ADAMTS10: variants seen among roughly 807,000 people sequenced by gnomAD.
ADAMTS10 encodes the protein A disintegrin and metalloproteinase with thrombospondin motifs 10.
ADAMTS10 carries 48 observed loss-of-function variants against 135.9 expected under a neutral mutation model. The observed-to-expected ratio is 0.35, with a 90% CI of 0.28 to 0.45. The LOEUF (loss-of-function observed/expected upper bound fraction) is 0.45, where lower values mean the gene tolerates loss of function less well. Among genes scored for constraint, ADAMTS10 ranks in the 20% least tolerant of loss-of-function variants. The pLI, the probability that ADAMTS10 is intolerant of heterozygous loss-of-function variation, is 1.00. For missense variants in ADAMTS10, 1,131 were observed against 1,565.2 expected (o/e 0.72, Z 4.68); for synonymous variants, 621 against 647.5 (o/e 0.96, Z 0.62).
chr19:8,600,808 C>T, intron 6 of ADAMTS10, 120 bp downstream of exon 6: 1 of 1,330,014 alleles, frequency 7.5e-7, no homozygotes, highest in Non-Finnish European at 1.1e-6. Flanking sequence ...TGCAACCTTC[C>T]TTTCTACCCC....
At position 8,585,213 on chromosome 19, in the gene ADAMTS10, G is replaced by C; in HGVS notation, c.2961C>G (p.Pro987=). 7.0e-7 allele frequency: 1 copy of C among 1,428,028 alleles called. No individual in the cohort carries two copies. The allele number at this position is 1,428,028 out of a possible 1,614,324, so 88.5% of individuals were successfully genotyped here. ...RATLPPAHCS[P]AAKPPATMRC... is the part of the protein sequence containing the mutation. ...GCATGGTGGCCGGTGGCTTGGCGGC[G>C]GGTGAGCAGTGCGCCGGGGGCAGCG... is the stretch of plus-strand genomic sequence containing the variant. The change falls in exon 24 of 26, where the codon CCC becomes CCG. Residue 987 remains proline (P), a synonymous_variant. Coordinates refer to ENST00000597188, the MANE Select transcript of ADAMTS10 (RefSeq NM_030957.4).
chr19:8,583,930 C>T (rs1435497803), intron 25 of ADAMTS10, among the ~76,000 whole-genome samples: 2 of 151,442 alleles, frequency 1.3e-5, no homozygotes, highest in African/African-American at 2.4e-5. Context: ...AGGCCAAGGC[C>T]GGCGGATCAC....
rs149789969 is a variant in ADAMTS10, at chr19:8,605,249, G to T, written c.198C>A (p.Arg66=). 1.5e-5 allele frequency: 25 copies of T among 1,613,042 alleles called. No individual in the cohort carries two copies. In the South Asian group the frequency reaches 1.6e-4, roughly 11 times the overall value. The change falls in exon 4 of 26, where the codon CGC becomes CGA. Residue 66 remains arginine, a synonymous_variant. Coordinates refer to ENST00000597188, the MANE Select transcript of ADAMTS10 (RefSeq NM_030957.4). This position sits in a 1 kb window ranked among gnomAD's most constrained non-coding sequence, Gnocchi z 7.7. ...FSPPPPRRQR[R]GTGATAESRL... ...GGGACTCGGCTGTGGCCCCCGTGCC[G>T]CGGCGCTGCCTCCGGGGAGGAGGTG...
At chr19:8,581,030 A>G in intron 25 of ADAMTS10, 28 bp from the exon 26 acceptor site, 1 of 1,563,832 alleles carries the variant, frequency 6.4e-7, no homozygotes, top group Non-Finnish European at 8.7e-7. Flanking sequence ...GGAAGGAAAA[A>G]TCAGGTCTCA....
intron 6 of ADAMTS10, among the ~76,000 whole-genome samples, chr19:8,600,538 G>A (rs144772247): frequency 0.012 from 1,614 of 130,582 alleles, 13 homozygotes; most frequent in Non-Finnish European, 0.016. Flanking sequence ...TTGCTCTGTC[G>A]CCCAGGCTGG....
At position 8,589,732 on chromosome 19, in the gene ADAMTS10, C is replaced by T. The variant is rs74902483; in HGVS notation, c.1901-147G>A. On this transcript the variant is annotated intron_variant, in intron 16 of 25. Transcript: ENST00000597188. ...GAGGGAGTGGGGGCTCCCAGCGTCA[C>T]GTTGAACCCCCATGGTACCGTATCC... The T allele has an allele frequency of 9.8e-4, 1,415 of 1,437,824 alleles. 8 individuals are homozygous for T. In the African/African-American group the frequency reaches 0.016, roughly 16 times the overall value. The allele number at this position is 1,437,824 out of a possible 1,614,324, so 89.1% of individuals were successfully genotyped here.
intron 6 of ADAMTS10, among the ~76,000 whole-genome samples, chr19:8,600,567 T>G (rs191391286): frequency 6.7e-6 from 1 of 150,304 alleles, no homozygotes; most frequent in African/African-American, 2.4e-5. Flanking sequence ...GGCGTGATCT[T>G]GGCTCACTGC....
chr19:8,600,447 CCT>C (rs1276338342), intron 6 of ADAMTS10, among the ~76,000 whole-genome samples: 4 of 149,826 alleles, frequency 2.7e-5, no homozygotes, highest in African/African-American at 7.3e-5. Context: ...TTCCTTCCTT[CCT>C]CTCTCTTTCT....
rs577890480 is a variant in ADAMTS10 at position 8,605,356 on chromosome 19, C to G, written c.91G>C (p.Glu31Gln). 6.3e-7 allele frequency: 1 copy of G among 1,596,964 alleles called. No homozygotes were observed. Among genetic ancestry groups the G allele is most frequent in the Non-Finnish European group, 8.5e-7 (1 of 1,171,888 alleles). ...TAGCTCTCCAGACTGGACAGGAACT[C>G]ATCTGTGGGTGAGGGTCAGAGGCCT... is the stretch of plus-strand genomic sequence containing the variant. ...EVTHAFRSQDEFLSSLESYEI... is the reference protein window; with the variant it reads ...EVTHAFRSQDQFLSSLESYEI... Residue 31 changes from glutamate (E) to glutamine (Q), a missense_variant and splice_region_variant, in exon 4 of 26, where the codon GAG becomes CAG. Physicochemically the swap from Glu to Gln is conservative, Grantham distance 29 (BLOSUM62 2). Transcript: ENST00000597188. The surrounding 1 kb of genome is among the most constrained non-coding windows in gnomAD (Gnocchi z 7.7).
chr19:8,589,740 C>T (rs2042496199), intron 16 of ADAMTS10, 149 bp downstream of exon 16: 6 of 1,414,476 alleles, frequency 4.2e-6, no homozygotes, highest in Admixed American at 2.0e-5. Context: ...CACGTTGAAC[C>T]CCCATGGTAC....
intron 1 of ADAMTS10, 121 bp from the exon 2 acceptor site, chr19:8,608,369 T>TA (rs1344266177): frequency 6.6e-6 from 1 of 152,346 alleles, no homozygotes; most frequent in Non-Finnish European, 1.5e-5. Context: ...AACTTCCTCT[T>TA]AGACTTCTTC....
intron 17 of ADAMTS10, 28 bp from the exon 18 acceptor site, chr19:8,589,393 A>AG: frequency 6.2e-7 from 1 of 1,601,668 alleles, no homozygotes; most frequent in Non-Finnish European, 8.5e-7. Flanking sequence ...GAGTGAGGCG[A>AG]CCCCCTAACC....
chr19:8,587,814 C>G (rs2042459292), intron 18 of ADAMTS10, among the ~76,000 whole-genome samples: 1 of 151,250 alleles, frequency 6.6e-6, no homozygotes, highest in Non-Finnish European at 1.5e-5. Flanking sequence ...TCCTGTAGTC[C>G]CAGCTACTTG....
chr19:8,598,386 G>A (rs1421887782), intron 6 of ADAMTS10, among the ~76,000 whole-genome samples: 3 of 151,710 alleles, frequency 2.0e-5, no homozygotes, highest in Non-Finnish European at 4.4e-5. Context: ...CTGTCTGAAG[G>A]TACCAATTTG....
Position 8,605,104 on chromosome 19 carries a change from G to C in ADAMTS10, c.343C>G (p.Gln115Glu), listed in dbSNP as rs1555742253. The C allele has an allele frequency of 6.8e-6, 11 of 1,613,058 alleles. No individual in the cohort carries two copies. The highest frequency in any genetic ancestry group is 9.3e-6 in the Non-Finnish European group (11 of 1,179,732). ...AGGCAGTGGGGCCGGGCCGCCCTCT[G>C]CCAGGCCAGGCCCTCCCGTGTCCAG... ...EYWTREGLAW[Q>E]RAARPHCLYA... Residue 115 changes from glutamine (Q) to glutamate (E), a missense_variant, in exon 4 of 26, where the codon CAG (glutamine) becomes GAG (glutamate). Physicochemically the swap from Gln to Glu is conservative, Grantham distance 29 (BLOSUM62 2). This residue lies in a region of ADAMTS10 where 306 missense variants were observed against 344.4 expected (regional missense o/e 0.89). Transcript: ENST00000597188. This position sits in a 1 kb window ranked among gnomAD's most constrained non-coding sequence, Gnocchi z 7.7.
At chr19:8,594,474 T>C (rs1461537829) in intron 12 of ADAMTS10, among the ~76,000 whole-genome samples, 1 of 152,212 alleles carries the variant, frequency 6.6e-6, no homozygotes, top group Non-Finnish European at 1.5e-5. Context: ...GCCTGAAAGA[T>C]GTTCCTTCAA....
Position 8,595,963 on chromosome 19 carries a change from C to G in ADAMTS10, c.1338-60G>C, listed in dbSNP as rs528699493. The G allele has an allele frequency of 6.2e-6, 10 of 1,614,076 alleles. No homozygotes were observed. The South Asian group carries it at 1.1e-4, about 18-fold the overall frequency. ...GGCTGCAAATCAAGAGCTCAGGAGCCTCAGCTGGATGGGGGTCCCAGGGAG... is the reference window on the plus strand; with the variant it reads ...GGCTGCAAATCAAGAGCTCAGGAGCGTCAGCTGGATGGGGGTCCCAGGGAG... On this transcript the variant is annotated intron_variant, in intron 11 of 25. Transcript: ENST00000597188.
In ADAMTS10 at chr19:8,605,998, G is replaced by C. The variant is rs1413684158; in HGVS notation, c.-99-189C>G. The stretch of plus-strand genomic sequence containing the variant: ...ACACTCCTACAAGAGGACAGACAGG[G>C]ACTGGGACGCTGGGAGTATCTCCTA... On this transcript the variant is annotated intron_variant, in intron 2 of 25. Coordinates refer to ENST00000597188, the MANE Select transcript of ADAMTS10 (RefSeq NM_030957.4). The surrounding 1 kb of genome is among the most constrained non-coding windows in gnomAD (Gnocchi z 7.7). Among the ~76,000 whole-genome samples, 1 of 152,200 alleles carries C rather than the reference G, an allele frequency of 6.6e-6. No individual in the cohort carries two copies. Among genetic ancestry groups the C allele is most frequent in the Non-Finnish European group, 1.5e-5 (1 of 68,030 alleles).
intron 25 of ADAMTS10, among the ~76,000 whole-genome samples, chr19:8,584,154 C>CAAAAAA (rs34412373): frequency 6.0e-4 from 27 of 44,776 alleles, no homozygotes; most frequent in South Asian, 8.3e-4. Flanking sequence ...GACTCCATCT[C>CAAAAAA]AAAAAAAAAA....
Sources: gnomAD v4.1 joint callset for allele counts (sites outside exome capture counted in the v4.1 genomes callset) on GRCh38, gnomAD v4.1.1 for gene constraint, gnomAD v4.1.1 regional missense constraint, Gnocchi (gnomAD v3.1) non-coding constraint, MANE v1.5 for transcripts, NCBI Gene and HGNC (gene_info 2026-07-23, HGNC 2026-07-21) for gene names.